POLH: variants seen among roughly 807,000 people sequenced by gnomAD.
POLH encodes the protein DNA polymerase eta.
A neutral mutation model predicts 73.6 loss-of-function variants in POLH; 53 were observed. That is an observed-to-expected ratio of 0.72 (90% CI 0.58 to 0.91). POLH has a LOEUF of 0.91. Ranked by LOEUF, POLH falls within the 40% of genes least tolerant of loss-of-function variation. The pLI, the probability that POLH is intolerant of heterozygous loss-of-function variation, is 0.00. For missense variants in POLH, 768 were observed against 865.4 expected, an observed-to-expected ratio of 0.89 and a Z score of 1.41; for synonymous variants, 292 against 308.5, an observed-to-expected ratio of 0.95 and a Z score of 0.56.
In POLH at chr6:43,618,961, T is replaced by TG. The variant is rs55760315; in HGVS notation, c.*4414dup. ...TCTACTTTTTATTTTATTTATAAAT[T>TG]GGGGGGGGGGTTCTATATTTAGTTT... On this transcript the variant is annotated 3_prime_UTR_variant, in exon 11 of 11. Transcript: ENST00000372236. Among the ~76,000 whole-genome samples, 15,254 of 138,660 alleles carry TG rather than the reference T, an allele frequency of 0.11. 819 individuals carry two copies. Among genetic ancestry groups the TG allele is most frequent in the South Asian group, 0.15 (594 of 4,088 alleles). 91.0% of individuals were successfully genotyped at this position (138,660 alleles called of 152,430 possible).
At chr6:43,585,473 G>C (rs1764693086) in intron 3 of POLH, among the ~76,000 whole-genome samples, 1 of 152,082 alleles carries the variant, frequency 6.6e-6, no homozygotes, top group South Asian at 2.1e-4. Flanking sequence ...GCCCTATCCT[G>C]AAGCTATTAG....
At chr6:43,585,637 C>CTTTTGTTTTTTTTTTTT (rs1764714833) in intron 3 of POLH, among the ~76,000 whole-genome samples, 1 of 107,432 alleles carries the variant, frequency 9.3e-6, no homozygotes, top group African/African-American at 5.4e-5. Context: ...TCTTTCTTTT[C>CTTTTGTTTTTTTTTTTT]TTTTTTTTTT....
rs1300029785 is a variant in POLH, at chr6:43,597,656, T to C, written c.491-40T>C. On this transcript the variant is annotated intron_variant, in intron 4 of 10. Coordinates refer to ENST00000372236, the MANE Select transcript of POLH (RefSeq NM_006502.3). ...TTAGATAGCACAATTAAATAAATAA[T>C]TTTTTAAATGTCTAAATGTGAGTTC... 5.8e-6 allele frequency: 9 copies of C among 1,560,730 alleles called. No individual in the cohort carries two copies. The Admixed American group carries it at 1.0e-4, about 17-fold the overall frequency.
At position 43,587,331 on chromosome 6, in the gene POLH, G is replaced by A. The variant is rs758423288; in HGVS notation, c.332G>A (p.Arg111His). 282 of 1,613,972 alleles carry A rather than the reference G, an allele frequency of 1.7e-4. No individual in the cohort carries two copies. The highest frequency in any genetic ancestry group is 2.3e-4 in the Non-Finnish European group (270 of 1,179,930). The change falls in exon 4 of 11, where the codon CGT (arginine) becomes CAT (histidine). Residue 111 changes from arginine (R) to histidine (H), a missense_variant. Arg to His is a conservative substitution (Grantham distance 29, BLOSUM62 0). Coordinates refer to ENST00000372236, the MANE Select transcript of POLH (RefSeq NM_006502.3). ...ATGTCTCGTTTTGCTGTGATTGAAC[G>A]TGCCAGCATTGATGAGGCTTACGTA... ...EIMSRFAVIE[R>H]ASIDEAYVDL...
Position 43,587,468 on chromosome 6 carries a change from G to A in POLH, c.469G>A (p.Ala157Thr). 6.2e-7 allele frequency: 1 copy of A among 1,613,406 alleles called. No individual in the cohort carries two copies. Among genetic ancestry groups the A allele is most frequent in the Non-Finnish European group, 8.5e-7 (1 of 1,179,318 alleles). Residue 157 changes from alanine to threonine, a missense_variant, in exon 4 of 11, where the codon GCA becomes ACA. Transcript: ENST00000372236. ...AGGGTTGCCCCAAGGCCCTACAACG[G>A]CAGAAGAGACTGTTCAGAAAGGTAC... is the stretch of plus-strand genomic sequence containing the variant. The part of the protein sequence containing the change: ...IEGLPQGPTT[A>T]EETVQKEGMR...
intron 9 of POLH, among the ~76,000 whole-genome samples, chr6:43,606,729 G>C (rs1186468324): frequency 6.6e-6 from 1 of 151,902 alleles, no homozygotes; most frequent in African/African-American, 2.4e-5. Flanking sequence ...GCACCCGGCA[G>C]TTTCTCTCTC....
intron 9 of POLH, among the ~76,000 whole-genome samples, chr6:43,610,298 C>T (rs936854278): frequency 3.3e-5 from 5 of 152,096 alleles, no homozygotes; most frequent in Non-Finnish European, 1.5e-5. Flanking sequence ...CTCCTGACTT[C>T]AGGTGATCCA....
intron 4 of POLH, among the ~76,000 whole-genome samples, chr6:43,595,111 G>A (rs1001865484): frequency 1.3e-5 from 2 of 151,588 alleles, no homozygotes; most frequent in Non-Finnish European, 2.9e-5. Context: ...TAGGAGGATC[G>A]CTTGAGCTCA....
chr6:43,611,882 C>G (rs1294738564), intron 10 of POLH, among the ~76,000 whole-genome samples: 2 of 151,994 alleles, frequency 1.3e-5, no homozygotes, highest in African/African-American at 4.8e-5. Context: ...ATGGTGAAAC[C>G]CTGTCTCTAC....
At position 43,581,255 on chromosome 6, in the gene POLH, G is replaced by C. The variant is rs549705078; in HGVS notation, c.-4-1061G>C. 9.3e-5 allele frequency among the ~76,000 whole-genome samples: 14 copies of C among 150,132 alleles called. No individual in the cohort carries two copies. The South Asian group carries it at 1.5e-3, about 16-fold the overall frequency. Reference sequence around the variant, plus strand: ...CAGAGGCGCTCCTCACATCCCAGATGGGGCGGCGGGGCAGAGGCGCTCCCC... The same window carrying C: ...CAGAGGCGCTCCTCACATCCCAGATCGGGCGGCGGGGCAGAGGCGCTCCCC... On this transcript the variant is annotated intron_variant, in intron 1 of 10. Coordinates refer to ENST00000372236, the MANE Select transcript of POLH (RefSeq NM_006502.3).
At chr6:43,605,443 C>CTTTTTTTT (rs540143863) in intron 9 of POLH, 124 bp downstream of exon 9, 33 of 296,238 alleles carry the variant, frequency 1.1e-4, no homozygotes, top group African/African-American at 2.1e-4. Flanking sequence ...CGTTTTCTTT[C>CTTTTTTTT]TTTTTTTTTT....
chr6:43,587,747 G>C (rs1764987728), intron 4 of POLH, among the ~76,000 whole-genome samples: 2 of 152,218 alleles, frequency 1.3e-5, no homozygotes, highest in African/African-American at 4.8e-5. Flanking sequence ...AGAAGGCAGA[G>C]ACCTGGCGCG....
chr6:43,581,612 G>A (rs1011228770), intron 1 of POLH, among the ~76,000 whole-genome samples: 2 of 147,660 alleles, frequency 1.4e-5, no homozygotes, highest in African/African-American at 2.6e-5. Context: ...GGCGGCGCTC[G>A]CCGGCGCGGC....
At chr6:43,611,526 C>T (rs1767878504) in intron 10 of POLH, among the ~76,000 whole-genome samples, 1 of 152,096 alleles carries the variant, frequency 6.6e-6, no homozygotes, top group Non-Finnish European at 1.5e-5. Context: ...TAATGATTTT[C>T]AGGATTGGAA....
intron 1 of POLH, among the ~76,000 whole-genome samples, chr6:43,578,816 G>C (rs1295958795): frequency 1.3e-5 from 2 of 152,094 alleles, no homozygotes; most frequent in African/African-American, 4.8e-5. Flanking sequence ...TTATACTTGA[G>C]ATTTGTCTGT....
At chr6:43,586,148 GACACT>G (rs1482423374) in intron 3 of POLH, among the ~76,000 whole-genome samples, 5 of 152,216 alleles carry the variant, frequency 3.3e-5, no homozygotes, top group African/African-American at 9.6e-5. Flanking sequence ...CAAAGAACTG[GACACT>G]ACAAAGCAGG....
intron 4 of POLH, among the ~76,000 whole-genome samples, chr6:43,594,907 A>G (rs1219192436): frequency 8.1e-6 from 1 of 122,896 alleles, no homozygotes; most frequent in African/African-American, 3.1e-5. Context: ...GGTGGTTTAC[A>G]CCTGTAATCC....
intron 9 of POLH, among the ~76,000 whole-genome samples, chr6:43,608,190 A>G (rs1256960228): frequency 1.3e-5 from 2 of 152,160 alleles, no homozygotes; most frequent in African/African-American, 4.8e-5. Context: ...TTGTCTCTTT[A>G]TTATTGAGTT....
chr6:43,620,489 GTGT>G lies in POLH; in HGVS notation c.*5933_*5935del, dbSNP rs747185559. 0.018 allele frequency: 5,721 copies of G among 312,370 alleles called. 87 individuals are homozygous for G. Among genetic ancestry groups the G allele is most frequent in the Non-Finnish European group, 0.026 (4,252 of 161,726 alleles). The allele number at this position is 312,370 out of a possible 1,614,324, so 19.3% of individuals were successfully genotyped here. The stretch of plus-strand genomic sequence containing the variant: ...AGCCTGTAGCTAACGCATAAGCACA[GTGT>G]ATTCAATAAAACATTTTTATTCTGT... On this transcript the variant is annotated 3_prime_UTR_variant, in exon 11 of 11. Coordinates refer to ENST00000372236, the MANE Select transcript of POLH (RefSeq NM_006502.3).
Sources: allele counts gnomAD v4.1 joint callset (sites outside exome capture counted in the v4.1 genomes callset), GRCh38; gene constraint gnomAD v4.1.1; transcripts MANE v1.5; gene names NCBI Gene and HGNC (gene_info 2026-07-23, HGNC 2026-07-21).